EPHB1: variants seen among roughly 807,000 people sequenced by gnomAD.
EPHB1 encodes the protein EPH receptor B1, also known as ephrin type-B receptor 1.
EPHB1 carries 30 observed loss-of-function variants against 94.4 expected under a neutral mutation model. That is an observed-to-expected ratio of 0.32 (90% CI 0.24 to 0.43). The LOEUF (loss-of-function observed/expected upper bound fraction) is 0.43, where lower values mean the gene tolerates loss of function less well. Among genes scored for constraint, EPHB1 ranks in the 20% least tolerant of loss-of-function variants. The probability of loss-of-function intolerance (pLI) is 1.00; values close to 1 mark genes in which losing one functional copy is unlikely to be tolerated. For synonymous variants in EPHB1, 522 were observed against 489.1 expected (o/e 1.07, Z -0.89); for missense variants, 1,055 against 1,308.3 (o/e 0.81, Z 2.99).
intron 1 of EPHB1, among the ~76,000 whole-genome samples, chr3:134,877,944 C>A (rs935078534): frequency 6.6e-6 from 1 of 152,220 alleles, no homozygotes; most frequent in Non-Finnish European, 1.5e-5. Flanking sequence ...GGCTGGCTTC[C>A]AGGTGAAGTC....
Position 134,836,768 on chromosome 3 carries a change from T to C in EPHB1, c.58+41079T>C, listed in dbSNP as rs534646005. Among the ~76,000 whole-genome samples the C allele has an allele frequency of 7.9e-5, 12 of 152,358 alleles. No homozygotes were observed. In the East Asian group the frequency reaches 2.3e-3, roughly 29 times the overall value. ...AATCAAGATAGGAAACTTAAGGTCT[T>C]TCATTATGCAGCTACTTTGACATTT... is the stretch of plus-strand genomic sequence containing the variant. On this transcript the variant is annotated intron_variant, in intron 1 of 15. Transcript: ENST00000398015.
At chr3:135,237,384 A>G (rs1351247053) in intron 12 of EPHB1, among the ~76,000 whole-genome samples, 1 of 152,066 alleles carries the variant, frequency 6.6e-6, no homozygotes, top group Non-Finnish European at 1.5e-5. Context: ...GTGGTTTTCA[A>G]ACATTTGAAG....
chr3:134,834,012 A>G (rs1419049663), intron 1 of EPHB1, among the ~76,000 whole-genome samples: 1 of 152,164 alleles, frequency 6.6e-6, no homozygotes, highest in Non-Finnish European at 1.5e-5. Context: ...CCTGTAAGAA[A>G]GCTGCCCTGA....
At chr3:134,804,316 C>G (rs1267462772) in intron 1 of EPHB1, among the ~76,000 whole-genome samples, 1 of 152,010 alleles carries the variant, frequency 6.6e-6, no homozygotes, top group African/African-American at 2.4e-5. Context: ...CCTATCAGAT[C>G]TCATGAGACT....
At chr3:135,139,936 T>G (rs1426980432) in intron 5 of EPHB1, among the ~76,000 whole-genome samples, 2 of 152,152 alleles carry the variant, frequency 1.3e-5, no homozygotes, top group African/African-American at 4.8e-5. Flanking sequence ...CCTTCCAGGT[T>G]GTGAGCAGTG....
At chr3:135,258,404 C>A (rs747317459) in intron 15 of EPHB1, among the ~76,000 whole-genome samples, 1 of 152,198 alleles carries the variant, frequency 6.6e-6, no homozygotes, top group African/African-American at 2.4e-5. Context: ...CACAGGTCAA[C>A]TATAAGCCAT....
At chr3:135,016,393 A>G (rs1341388214) in intron 3 of EPHB1, among the ~76,000 whole-genome samples, 1 of 152,232 alleles carries the variant, frequency 6.6e-6, no homozygotes, top group East Asian at 1.9e-4. Context: ...TTGCAGAGAA[A>G]CAAGCTCAGG....
At chr3:135,147,272 G>A (rs1236180442) in intron 5 of EPHB1, among the ~76,000 whole-genome samples, 1 of 152,130 alleles carries the variant, frequency 6.6e-6, no homozygotes, top group Non-Finnish European at 1.5e-5. Context: ...TGATTTGGCT[G>A]GGAAACGCTG....
chr3:135,247,814 C>T (rs1283236163), intron 13 of EPHB1, among the ~76,000 whole-genome samples: 4 of 152,156 alleles, frequency 2.6e-5, no homozygotes, highest in African/African-American at 9.7e-5. Flanking sequence ...GGAGTAAGTG[C>T]TCCATCAATG....
chr3:135,029,458 T>C (rs1286406660), intron 3 of EPHB1, among the ~76,000 whole-genome samples: 1 of 147,946 alleles, frequency 6.8e-6, no homozygotes, highest in African/African-American at 2.4e-5. Context: ...GTCTATAAAG[T>C]ATTTTATTTC....
chr3:134,866,275 A>G (rs981214647), intron 1 of EPHB1, among the ~76,000 whole-genome samples: 6 of 152,214 alleles, frequency 3.9e-5, no homozygotes, highest in Non-Finnish European at 7.3e-5. Flanking sequence ...GAGAAGTTTA[A>G]CTTTTCCAAA....
chr3:134,889,319 T>C (rs1305341862), intron 1 of EPHB1, among the ~76,000 whole-genome samples: 1 of 152,072 alleles, frequency 6.6e-6, no homozygotes, highest in Non-Finnish European at 1.5e-5. Context: ...TCTGCACTCA[T>C]TTCAACAGCA....
chr3:134,888,355 G>T (rs970969297), intron 1 of EPHB1, among the ~76,000 whole-genome samples: 4 of 152,230 alleles, frequency 2.6e-5, no homozygotes, highest in Admixed American at 6.5e-5. Flanking sequence ...CTGAGGACCT[G>T]CGGTGAAAGC....
chr3:135,162,281 C>T, intron 7 of EPHB1, 101 bp downstream of exon 7: 1 of 1,305,106 alleles, frequency 7.7e-7, no homozygotes, highest in Non-Finnish European at 1.0e-6. Context: ...TGATCTCCAA[C>T]TGGATTCCAG....
intron 3 of EPHB1, among the ~76,000 whole-genome samples, chr3:135,010,341 T>C (rs1935575675): frequency 6.6e-6 from 1 of 152,142 alleles, no homozygotes; most frequent in South Asian, 2.1e-4. Context: ...ATTGATGAGA[T>C]GTGTAGCTGT....
chr3:135,143,704 C>G (rs886252329), intron 5 of EPHB1, among the ~76,000 whole-genome samples: 2 of 152,152 alleles, frequency 1.3e-5, no homozygotes, highest in African/African-American at 2.4e-5. Context: ...ATGTGAGTAC[C>G]AATGGTTGTG....
intron 2 of EPHB1, among the ~76,000 whole-genome samples, chr3:134,944,798 G>T (rs1463909397): frequency 6.6e-6 from 1 of 152,194 alleles, no homozygotes; most frequent in African/African-American, 2.4e-5. Context: ...AAGTGGAATT[G>T]CTGGGTCAAA....
intron 5 of EPHB1, among the ~76,000 whole-genome samples, chr3:135,136,090 G>A (rs1559846462): frequency 6.6e-6 from 1 of 152,198 alleles, no homozygotes; most frequent in African/African-American, 2.4e-5. Context: ...TCCCTTGTCT[G>A]TGTCTGCCTT....
At chr3:135,063,187 A>G (rs1937538022) in intron 3 of EPHB1, among the ~76,000 whole-genome samples, 1 of 152,152 alleles carries the variant, frequency 6.6e-6, no homozygotes, top group African/African-American at 2.4e-5. Flanking sequence ...TTGGATCCAT[A>G]TGAATTTTAG....
Sources: gnomAD v4.1 joint callset for allele counts (sites outside exome capture counted in the v4.1 genomes callset) on GRCh38, gnomAD v4.1.1 for gene constraint, MANE v1.5 for transcripts, NCBI Gene and HGNC (gene_info 2026-07-23, HGNC 2026-07-21) for gene names.